The following STK39 variants were observed in gnomAD, a reference collection of about 807,000 sequenced individuals.
The protein encoded by STK39 is serine/threonine kinase 39.
A neutral mutation model predicts 77.8 loss-of-function variants in STK39; 20 were observed. The ratio of observed to expected loss-of-function variants is 0.26; its 90% CI spans 0.18 to 0.37. The LOEUF is 0.37. Among genes scored for constraint, STK39 ranks in the 10% least tolerant of loss-of-function variants. The pLI is 1.00. For synonymous variants in STK39, 246 were observed against 234.1 expected (o/e 1.05, Z -0.47); for missense variants, 479 against 656.5 (o/e 0.73, Z 2.95).
At chr2:168,038,839 A>G (rs1005005304) in intron 14 of STK39, among the ~76,000 whole-genome samples, 1 of 152,202 alleles carries the variant, frequency 6.6e-6, no homozygotes, top group Non-Finnish European at 1.5e-5. Flanking sequence ...TTAAAACTAT[A>G]ATAAGATACC....
chr2:168,247,178 C>T (rs2105291258), intron 1 of STK39, 50 bp downstream of exon 1: 1 of 1,135,906 alleles, frequency 8.8e-7, no homozygotes, highest in Non-Finnish European at 1.1e-6. Context: ...CCCTCCCGCC[C>T]GGCCTCGGCG....
chr2:168,181,980 A>G lies in STK39; in HGVS notation c.319T>C (p.Leu107=). The G allele has an allele frequency of 6.2e-7, 1 of 1,613,480 alleles. No homozygotes were observed. The highest frequency in any genetic ancestry group is 1.1e-5 in the South Asian group (1 of 91,068). Residue 107 remains leucine (L), a splice_region_variant and synonymous_variant, in exon 2 of 18, where the codon TTA becomes CTA. Coordinates refer to ENST00000355999, the MANE Select transcript of STK39 (RefSeq NM_013233.3). ...GTATTCCCTGCACTGTTACTTACTAATAGTTCATCCATACTGGTCTGGCAT... is the reference window on the plus strand; with the variant it reads ...GTATTCCCTGCACTGTTACTTACTAGTAGTTCATCCATACTGGTCTGGCAT... ...EKCQTSMDEL[L]KEIQAMSQCS...
In STK39 at chr2:168,144,971, C is replaced by A. The variant is rs566618934; in HGVS notation, c.629-4213G>T. On this transcript the variant is annotated intron_variant, in intron 5 of 17. Transcript: ENST00000355999. ...ACTCCAGTCTAGGCAACAGAGTGAGCCCGTCTCAGAAAAAAAAAAAAAAGA... is the reference window on the plus strand; with the variant it reads ...ACTCCAGTCTAGGCAACAGAGTGAGACCGTCTCAGAAAAAAAAAAAAAAGA... Among the ~76,000 whole-genome samples, 756 of 109,522 alleles carry A rather than the reference C, an allele frequency of 6.9e-3. 8 individuals carry two copies. The Middle Eastern group carries it at 0.073, about 11-fold the overall frequency. The allele number at this position is 109,522 out of a possible 152,430, so 71.9% of individuals were successfully genotyped here. A position where few individuals can be genotyped will look rare whatever the true frequency, so the allele number is the denominator to read the frequency against.
chr2:168,088,918 T>C (rs559299420), intron 10 of STK39, among the ~76,000 whole-genome samples: 2 of 152,306 alleles, frequency 1.3e-5, no homozygotes, highest in East Asian at 1.9e-4. Flanking sequence ...ATCACCCTTA[T>C]TACTTATAAA....
At chr2:168,205,188 T>G (rs1439691509) in intron 1 of STK39, among the ~76,000 whole-genome samples, 1 of 152,222 alleles carries the variant, frequency 6.6e-6, no homozygotes, top group Non-Finnish European at 1.5e-5. Flanking sequence ...ATGAAAATGT[T>G]GAAAGCAATT....
chr2:168,095,642 T>TC (rs1174448867), intron 10 of STK39, among the ~76,000 whole-genome samples: 3 of 147,842 alleles, frequency 2.0e-5, no homozygotes, highest in Non-Finnish European at 4.5e-5. Context: ...TTTTTTTTTT[T>TC]TTAAGACGGA....
At chr2:167,992,670 A>T (rs1247730760) in intron 16 of STK39, among the ~76,000 whole-genome samples, 1 of 152,200 alleles carries the variant, frequency 6.6e-6, no homozygotes, top group Non-Finnish European at 1.5e-5. Flanking sequence ...TCAGTTTTTC[A>T]CAATTTGAGA....
chr2:168,179,732 C>T (rs1298734757), intron 2 of STK39, among the ~76,000 whole-genome samples: 2 of 152,104 alleles, frequency 1.3e-5, no homozygotes. Flanking sequence ...TTACAAGTAG[C>T]TCCAAATGAC....
chr2:168,243,503 G>A (rs993711162), intron 1 of STK39, among the ~76,000 whole-genome samples: 3 of 152,004 alleles, frequency 2.0e-5, no homozygotes, highest in African/African-American at 7.3e-5. Context: ...ATGACCACCC[G>A]GGACAAAAGT....
chr2:167,998,805 T>A (rs1683918448), intron 16 of STK39, among the ~76,000 whole-genome samples: 1 of 152,214 alleles, frequency 6.6e-6, no homozygotes, highest in Admixed American at 6.5e-5. Context: ...GGACATCATC[T>A]CAGCTTTTAT....
rs1177069559 is a variant in STK39 at position 167,954,869 on chromosome 2, C to T, written c.*627G>A. ...GACCCAAAACTTTTTGTTTAAATAA[C>T]GAGATTAACTGCAAGAAGCATATAA... On this transcript the variant is annotated 3_prime_UTR_variant, in exon 18 of 18. Transcript: ENST00000355999. The T allele has an allele frequency of 6.6e-6, 1 of 152,584 alleles. No homozygotes were observed. Among genetic ancestry groups the T allele is most frequent in the Non-Finnish European group, 1.5e-5 (1 of 68,022 alleles). 9.5% of individuals were successfully genotyped at this position (152,584 alleles called of 1,614,324 possible). A position where few individuals can be genotyped will look rare whatever the true frequency, so the allele number is the denominator to read the frequency against.
intron 1 of STK39, among the ~76,000 whole-genome samples, chr2:168,232,893 C>CA (rs1291760025): frequency 2.0e-5 from 3 of 148,388 alleles, no homozygotes; most frequent in Admixed American, 6.8e-5. Context: ...GCCTGGGCGA[C>CA]AGAGTGAGAT....
chr2:168,010,548 A>C (rs1399753273), intron 16 of STK39, among the ~76,000 whole-genome samples: 6 of 152,224 alleles, frequency 3.9e-5, no homozygotes, highest in East Asian at 1.9e-4. Flanking sequence ...GAAAGACAAG[A>C]TATATAAGGG....
At chr2:168,053,882 A>G (rs1025941384) in intron 14 of STK39, among the ~76,000 whole-genome samples, 10 of 152,236 alleles carry the variant, frequency 6.6e-5, no homozygotes, top group African/African-American at 2.4e-4. Context: ...GGAGAATTAC[A>G]GCTGTGACTG....
At chr2:168,094,069 T>C (rs1225944303) in intron 10 of STK39, among the ~76,000 whole-genome samples, 3 of 152,194 alleles carry the variant, frequency 2.0e-5, no homozygotes, top group Non-Finnish European at 4.4e-5. Context: ...GACCAAGTCC[T>C]TCACAGGGTC....
At chr2:168,217,009 C>G (rs1299557035) in intron 1 of STK39, among the ~76,000 whole-genome samples, 1 of 152,222 alleles carries the variant, frequency 6.6e-6, no homozygotes, top group Non-Finnish European at 1.5e-5. Context: ...CAGAAGCAGA[C>G]ATGCTCTGTT....
chr2:168,035,502 G>A (rs759852550), intron 14 of STK39, among the ~76,000 whole-genome samples: 5 of 152,048 alleles, frequency 3.3e-5, no homozygotes, highest in Admixed American at 1.3e-4. Context: ...TGTCTAACAG[G>A]ACATTTAATT....
chr2:168,130,455 G>C (rs945670431), intron 8 of STK39, among the ~76,000 whole-genome samples: 3 of 152,278 alleles, frequency 2.0e-5, no homozygotes, highest in African/African-American at 7.2e-5. Flanking sequence ...CTTCATAGAT[G>C]ATGGCACACA....
intron 3 of STK39, 120 bp downstream of exon 3, chr2:168,167,179 A>G (rs1688712847): frequency 1.2e-6 from 1 of 823,392 alleles, no homozygotes; most frequent in Non-Finnish European, 1.9e-6. Context: ...GCAATGAGAA[A>G]CCAAACAAAC....
Sources: allele counts gnomAD v4.1 joint callset (sites outside exome capture counted in the v4.1 genomes callset), GRCh38; gene constraint gnomAD v4.1.1; transcripts MANE v1.5; gene names NCBI Gene and HGNC (gene_info 2026-07-23, HGNC 2026-07-21).